LRP1B: variants seen among roughly 807,000 people sequenced by gnomAD.
The protein encoded by LRP1B is LDL receptor related protein 1B, also known as low-density lipoprotein receptor-related protein 1B.
Under a neutral mutation model 556.6 loss-of-function variants are expected in LRP1B, and 217 were observed. That is an observed-to-expected ratio of 0.39 (90% CI 0.35 to 0.44). LRP1B has a LOEUF of 0.44. Among genes scored for constraint, LRP1B ranks in the 20% least tolerant of loss-of-function variants. The probability of loss-of-function intolerance (pLI) is 1.00; values close to 1 mark genes in which losing one functional copy is unlikely to be tolerated. For missense variants in LRP1B, 5,053 were observed against 5,620.8 expected (o/e 0.90, Z 3.23); for synonymous variants, 2,047 against 1,865.8 (o/e 1.10, Z -2.50).
At chr2:140,426,258 C>G (rs1401580358) in intron 66 of LRP1B, among the ~76,000 whole-genome samples, 2 of 152,064 alleles carry the variant, frequency 1.3e-5, no homozygotes, top group African/African-American at 2.4e-5. Context: ...ATTTGAAAAG[C>G]TAAGCTGTAA....
chr2:140,474,581 A>C (rs895744274), intron 60 of LRP1B, among the ~76,000 whole-genome samples: 9 of 151,918 alleles, frequency 5.9e-5, no homozygotes, highest in Non-Finnish European at 1.3e-4. Flanking sequence ...GTTTTGATGT[A>C]ATTTGAGTCA....
chr2:141,934,707 G>A (rs746414833), intron 1 of LRP1B, among the ~76,000 whole-genome samples: 10 of 152,156 alleles, frequency 6.6e-5, no homozygotes, highest in African/African-American at 2.2e-4. Flanking sequence ...AGATCTGATC[G>A]TTTTATAAGG....
intron 3 of LRP1B, among the ~76,000 whole-genome samples, chr2:141,296,146 G>A (rs973445755): frequency 1.3e-5 from 2 of 152,020 alleles, no homozygotes; most frequent in African/African-American, 4.8e-5. Flanking sequence ...AAAAATCATG[G>A]AATATTTTTT....
intron 3 of LRP1B, among the ~76,000 whole-genome samples, chr2:141,262,138 T>C (rs531740675): frequency 9.8e-4 from 149 of 152,298 alleles, no homozygotes; most frequent in African/African-American, 3.3e-3. Flanking sequence ...TTGCATTTTC[T>C]AATTATTATT....
intron 20 of LRP1B, among the ~76,000 whole-genome samples, chr2:140,940,691 T>C (rs1222826517): frequency 6.6e-6 from 1 of 152,210 alleles, no homozygotes; most frequent in Non-Finnish European, 1.5e-5. Flanking sequence ...TTTGAATTGA[T>C]TCCATGTCTT....
intron 1 of LRP1B, among the ~76,000 whole-genome samples, chr2:141,889,621 C>T (rs969041246): frequency 1.3e-5 from 2 of 152,080 alleles, no homozygotes; most frequent in African/African-American, 2.4e-5. Context: ...TGTCTAATAT[C>T]GTCTTATCTC....
intron 41 of LRP1B, among the ~76,000 whole-genome samples, chr2:140,678,576 T>C (rs1339124293): frequency 6.6e-6 from 1 of 152,204 alleles, no homozygotes; most frequent in Admixed American, 6.5e-5. Context: ...CAATTCAACC[T>C]ACATATTTTC....
intron 49 of LRP1B, among the ~76,000 whole-genome samples, chr2:140,518,342 C>T (rs1690008467): frequency 6.6e-6 from 1 of 152,106 alleles, no homozygotes; most frequent in African/African-American, 2.4e-5. Context: ...TGTCTGTCTA[C>T]CTGCCTCATA....
chr2:140,635,382 T>C (rs1462265710), intron 41 of LRP1B, among the ~76,000 whole-genome samples: 1 of 152,044 alleles, frequency 6.6e-6, no homozygotes, highest in Non-Finnish European at 1.5e-5. Context: ...GAGAAATTGG[T>C]AATGAAATTG....
At chr2:140,730,317 T>C (rs1008934547) in intron 35 of LRP1B, among the ~76,000 whole-genome samples, 10 of 152,182 alleles carry the variant, frequency 6.6e-5, no homozygotes, top group Admixed American at 1.3e-4. Context: ...AGGTTCCTCA[T>C]GAGCCTTTGA....
chr2:140,749,092 T>A (rs1252251761), intron 35 of LRP1B, among the ~76,000 whole-genome samples: 1 of 151,682 alleles, frequency 6.6e-6, no homozygotes. Context: ...TGTGTGTGTA[T>A]CTAAACATAT....
chr2:140,436,599 G>A (rs909194382), intron 66 of LRP1B, among the ~76,000 whole-genome samples: 99 of 149,844 alleles, frequency 6.6e-4, no homozygotes, highest in Middle Eastern at 3.4e-3. Flanking sequence ...ATATTATACT[G>A]CTCACTGTCT....
chr2:141,976,905 G>C (rs1701902584), intron 1 of LRP1B, among the ~76,000 whole-genome samples: 1 of 152,072 alleles, frequency 6.6e-6, no homozygotes. Flanking sequence ...TTATTGAATA[G>C]AAAATAAAAT....
rs770020276 is a variant in LRP1B, at chr2:141,059,006, T to A, written c.1285A>T (p.Thr429Ser). 6.9e-6 allele frequency: 11 copies of A among 1,589,860 alleles called. No individual in the cohort carries two copies. Among genetic ancestry groups the A allele is most frequent in the Non-Finnish European group, 9.4e-6 (11 of 1,166,694 alleles). Residue 429 changes from threonine to serine, a missense_variant, in exon 9 of 91, where the codon ACC becomes TCC. Coordinates refer to ENST00000389484, the MANE Select transcript of LRP1B (RefSeq NM_018557.3). ...ITVFEDYLYA[T>S]NSDNYNIVRI... ...ACGATATTGTAGTTATCAGAATTGG[T>A]TGCATACAAATAATCTTCAAACACA...
At chr2:142,048,065 CTATATCA>C (rs1375910171) in intron 1 of LRP1B, among the ~76,000 whole-genome samples, 1 of 151,596 alleles carries the variant, frequency 6.6e-6, no homozygotes, top group Non-Finnish European at 1.5e-5. Context: ...CACTATTCTA[CTATATCA>C]TAAGTGACCA....
chr2:141,825,164 C>A (rs76736173), intron 1 of LRP1B, among the ~76,000 whole-genome samples: 5,415 of 152,168 alleles, frequency 0.036, 321 homozygotes, highest in African/African-American at 0.12. Context: ...TGAAAACAGA[C>A]CAGTACAAAA....
In LRP1B at chr2:141,242,075, G is replaced by A. The variant is rs80347062; in HGVS notation, c.592+5151C>T. On this transcript the variant is annotated intron_variant, in intron 5 of 90. Coordinates refer to ENST00000389484, the MANE Select transcript of LRP1B (RefSeq NM_018557.3). ...TGTTAAAATTATTAAGACTTAATATGTTACCCTTCCTAAGAATAGATCTTA... is the reference window on the plus strand; with the variant it reads ...TGTTAAAATTATTAAGACTTAATATATTACCCTTCCTAAGAATAGATCTTA... 4.4e-3 allele frequency among the ~76,000 whole-genome samples: 670 copies of A among 152,150 alleles called. 6 individuals carry two copies. The highest frequency in any genetic ancestry group is 0.015 in the African/African-American group (606 of 41,510).
chr2:140,851,133 C>T (rs1210000399), intron 28 of LRP1B, among the ~76,000 whole-genome samples: 1 of 151,852 alleles, frequency 6.6e-6, no homozygotes, highest in Non-Finnish European at 1.5e-5. Flanking sequence ...CAAAATTTAT[C>T]TTTTTTAGTT....
intron 52 of LRP1B, among the ~76,000 whole-genome samples, chr2:140,508,562 A>G (rs1181038126): frequency 6.6e-6 from 1 of 152,206 alleles, no homozygotes; most frequent in Non-Finnish European, 1.5e-5. Flanking sequence ...GAAGCCACAT[A>G]GAAGTAGCAT....
Sources: gnomAD v4.1 joint callset for allele counts (sites outside exome capture counted in the v4.1 genomes callset) on GRCh38, gnomAD v4.1.1 for gene constraint, MANE v1.5 for transcripts, NCBI Gene and HGNC (gene_info 2026-07-23, HGNC 2026-07-21) for gene names.